FAM222A: variants seen among roughly 807,000 people sequenced by gnomAD.
FAM222A encodes protein FAM222A.
FAM222A carries 7 observed loss-of-function variants against 25.8 expected under a neutral mutation model. The ratio of observed to expected loss-of-function variants is 0.27; its 90% CI spans 0.15 to 0.51. The LOEUF is 0.51. FAM222A is among the 20% of genes least tolerant of loss of function. The pLI, the probability that FAM222A is intolerant of heterozygous loss-of-function variation, is 0.97. For synonymous variants in FAM222A, 294 were observed against 298.8 expected (o/e 0.98, Z 0.17); for missense variants, 573 against 640.5 (o/e 0.89, Z 1.14).
rs1889125737 is a variant in FAM222A, at chr12:109,768,421, G to A, written c.492G>A (p.Glu164=). 3 of 1,598,838 alleles carry A rather than the reference G, an allele frequency of 1.9e-6. No homozygotes were observed. Among genetic ancestry groups the A allele is most frequent in the East Asian group, 4.5e-5 (2 of 44,798 alleles). ...CCTTGGCCTACCCCAAGCCACCTGA[G>A]GCGCCTGCTCCACCACCCGGCCTGC... ...LGPLAYPKPP[E]APAPPPGLPA... Residue 164 remains glutamate (E), a synonymous_variant, in exon 3 of 3, where the codon GAG becomes GAA. Transcript: ENST00000538780.
intron 2 of FAM222A, among the ~76,000 whole-genome samples, chr12:109,754,401 A>G (rs1463464682): frequency 6.6e-6 from 1 of 152,206 alleles, no homozygotes; most frequent in African/African-American, 2.4e-5. Context: ...ACCCAAGAGA[A>G]TAAGACTTTA....
At chr12:109,727,655 C>T (rs185956655) in intron 1 of FAM222A, among the ~76,000 whole-genome samples, 2 of 152,280 alleles carry the variant, frequency 1.3e-5, no homozygotes, top group Admixed American at 1.3e-4. Flanking sequence ...CACGCTGGCA[C>T]GTGGTCATGG....
At chr12:109,737,324 G>A (rs1438497696) in intron 1 of FAM222A, among the ~76,000 whole-genome samples, 1 of 151,988 alleles carries the variant, frequency 6.6e-6, no homozygotes, top group Non-Finnish European at 1.5e-5. Context: ...TTACTTTTTG[G>A]TCTCCCCTTT....
chr12:109,750,191 T>G (rs1302034436), intron 2 of FAM222A, among the ~76,000 whole-genome samples: 4 of 152,356 alleles, frequency 2.6e-5, no homozygotes, highest in Non-Finnish European at 4.4e-5. Context: ...CTTGTTCTAA[T>G]GGTATAACTA....
chr12:109,718,642 T>C (rs1412411568), intron 1 of FAM222A, among the ~76,000 whole-genome samples: 1 of 152,210 alleles, frequency 6.6e-6, no homozygotes, highest in African/African-American at 2.4e-5. Context: ...TTGGGCGCTT[T>C]CTCTGCCTGT....
intron 2 of FAM222A, among the ~76,000 whole-genome samples, chr12:109,765,847 G>A (rs1429539386): frequency 6.6e-6 from 1 of 152,210 alleles, no homozygotes; most frequent in Admixed American, 6.5e-5. Context: ...TTCTGGGAGG[G>A]CCCTTTCTCT....
chr12:109,742,355 C>T (rs1592787576), intron 1 of FAM222A, among the ~76,000 whole-genome samples: 1 of 152,388 alleles, frequency 6.6e-6, no homozygotes, highest in Admixed American at 6.5e-5. Flanking sequence ...CATTCCAAGT[C>T]CCCGAGGAGA....
intron 1 of FAM222A, among the ~76,000 whole-genome samples, chr12:109,717,995 G>A (rs899160944): frequency 3.3e-5 from 5 of 152,176 alleles, no homozygotes; most frequent in Non-Finnish European, 5.9e-5. Flanking sequence ...TCAGCCCGCC[G>A]CTTGCAGGCT....
chr12:109,732,415 G>A (rs573255740), intron 1 of FAM222A, among the ~76,000 whole-genome samples: 2 of 152,364 alleles, frequency 1.3e-5, no homozygotes, highest in South Asian at 4.1e-4. Context: ...GGGCCACTCT[G>A]TGCTAAGCCT....
chr12:109,753,238 A>G (rs1592793666), intron 2 of FAM222A, among the ~76,000 whole-genome samples: 2 of 152,136 alleles, frequency 1.3e-5, no homozygotes, highest in Admixed American at 6.5e-5. Context: ...CAGCTGTCCC[A>G]GGAGGCAGAC....
At position 109,755,281 on chromosome 12, in the gene FAM222A, ATTC is replaced by A. The variant is rs1565844603; in HGVS notation, c.82+11059_82+11061del. Among the ~76,000 whole-genome samples, 128 of 92,760 alleles carry A rather than the reference ATTC, an allele frequency of 1.4e-3. 2 individuals carry two copies. The highest frequency in any genetic ancestry group is 5.1e-3 in the African/African-American group (119 of 23,462). 60.9% of individuals were successfully genotyped at this position (92,760 alleles called of 152,430 possible). A position where few individuals can be genotyped will look rare whatever the true frequency, so the allele number is the denominator to read the frequency against. ...TTTAGCTCTTCCATTTAGGTCTGTA[ATTC>A]TTCTTTTTTTTTTTTTTTTTTTTTT... is the stretch of plus-strand genomic sequence containing the variant. On this transcript the variant is annotated intron_variant, in intron 2 of 2. Transcript: ENST00000538780.
chr12:109,727,708 G>A (rs559876583), intron 1 of FAM222A, among the ~76,000 whole-genome samples: 1 of 152,174 alleles, frequency 6.6e-6, no homozygotes, highest in South Asian at 2.1e-4. Context: ...TGTCTGTAGA[G>A]TTGCCCTTTG....
intron 2 of FAM222A, among the ~76,000 whole-genome samples, chr12:109,747,089 A>C (rs1888420850): frequency 6.6e-6 from 1 of 152,090 alleles, no homozygotes; most frequent in Non-Finnish European, 1.5e-5. Context: ...TGGGGTGCTC[A>C]ATCTGTAATA....
rs11611452 is a variant in FAM222A, at chr12:109,729,263, A to G, written c.-47+14366A>G. Among the ~76,000 whole-genome samples the G allele has an allele frequency of 1.4e-3, 212 of 152,310 alleles. 1 individual carries two copies. The highest frequency in any genetic ancestry group is 5.1e-3 in the Admixed American group (78 of 15,304). On this transcript the variant is annotated intron_variant, in intron 1 of 2. Transcript: ENST00000538780. ...TCTTTTGGACATTGGCAAACACATCATAAGTTTTTAAATGCAGCAAACAGG... is the reference window on the plus strand; with the variant it reads ...TCTTTTGGACATTGGCAAACACATCGTAAGTTTTTAAATGCAGCAAACAGG...
chr12:109,764,456 G>A (rs971048989), intron 2 of FAM222A, among the ~76,000 whole-genome samples: 3 of 151,846 alleles, frequency 2.0e-5, no homozygotes, highest in East Asian at 1.9e-4. Context: ...AATTTATTCC[G>A]TCCATTAGAT....
chr12:109,734,295 G>C (rs917538180), intron 1 of FAM222A: 4 of 152,284 alleles, frequency 2.6e-5, no homozygotes, highest in Non-Finnish European at 5.9e-5. Flanking sequence ...GCTTGGTCTG[G>C]CTCCCTTGAG....
At chr12:109,739,488 T>C (rs969248617) in intron 1 of FAM222A, among the ~76,000 whole-genome samples, 19 of 152,230 alleles carry the variant, frequency 1.2e-4, no homozygotes, top group Admixed American at 1.2e-3. Context: ...AAGCAAGGCC[T>C]GGGCTTTACT....
intron 2 of FAM222A, among the ~76,000 whole-genome samples, chr12:109,762,433 A>G (rs1168725524): frequency 6.6e-6 from 1 of 152,226 alleles, no homozygotes; most frequent in African/African-American, 2.4e-5. Flanking sequence ...CAACCCAGCC[A>G]TGAGAGTCAC....
At chr12:109,727,661 C>T (rs975829001) in intron 1 of FAM222A, among the ~76,000 whole-genome samples, 4 of 152,166 alleles carry the variant, frequency 2.6e-5, no homozygotes, top group East Asian at 1.9e-4. Context: ...GGCACGTGGT[C>T]ATGGGGTGGG....
Sources: gnomAD v4.1 joint callset for allele counts (sites outside exome capture counted in the v4.1 genomes callset) on GRCh38, gnomAD v4.1.1 for gene constraint, MANE v1.5 for transcripts, NCBI Gene and HGNC (gene_info 2026-07-23, HGNC 2026-07-21) for gene names.